Variants in NOTCH2 observed in about 807,000 individuals in gnomAD.
NOTCH2 encodes the protein notch receptor 2, also known as neurogenic locus notch homolog protein 2.
In NOTCH2, 29 loss-of-function variants were observed where a neutral mutation model predicts 235.8. The ratio of observed to expected loss-of-function variants is 0.12; its 90% confidence interval spans 0.09 to 0.17. NOTCH2 has a LOEUF of 0.17. Among genes scored for constraint, NOTCH2 ranks in the 10% least tolerant of loss-of-function variants. The probability of loss-of-function intolerance (pLI) is 1.00; values close to 1 mark genes in which losing one functional copy is unlikely to be tolerated. For missense variants in NOTCH2, 2,285 were observed against 3,150.2 expected (o/e 0.73, Z 6.57); for synonymous variants, 1,086 against 1,141.5 (o/e 0.95, Z 0.98).
chr1:119,953,766 G>A, intron 13 of NOTCH2, 78 bp from the exon 14 acceptor site: 2 of 1,246,134 alleles, frequency 1.6e-6, no homozygotes, highest in East Asian at 4.6e-5. Flanking sequence ...AGGACTTGGT[G>A]AAGAAATGGG....
At chr1:119,982,355 T>G (rs587696743) in intron 5 of NOTCH2, among the ~76,000 whole-genome samples, 1 of 152,296 alleles carries the variant, frequency 6.6e-6, no homozygotes, top group African/African-American at 2.4e-5. Flanking sequence ...AGAAAATAAA[T>G]CACATCTGCC....
intron 5 of NOTCH2, among the ~76,000 whole-genome samples, chr1:119,976,193 T>C (rs997196377): frequency 6.6e-6 from 1 of 152,022 alleles, no homozygotes; most frequent in Admixed American, 6.5e-5. Context: ...TATATACCTT[T>C]CCAACCAGCA....
intron 15 of NOTCH2, 94 bp downstream of exon 15, chr1:119,950,630 T>A: frequency 1.2e-6 from 1 of 819,884 alleles, no homozygotes; most frequent in Non-Finnish European, 2.2e-6. Context: ...CGGAGGAGCA[T>A]TACAGCCCCA....
chr1:120,068,943 C>T, intron 1 of NOTCH2: 1 of 845,224 alleles, frequency 1.2e-6, no homozygotes, highest in Non-Finnish European at 1.7e-6. Context: ...TCTGGCATTC[C>T]TTCGCTCAGC....
At chr1:119,979,527 G>A (rs1380791339) in intron 5 of NOTCH2, among the ~76,000 whole-genome samples, 4 of 152,058 alleles carry the variant, frequency 2.6e-5, no homozygotes, top group African/African-American at 9.7e-5. Context: ...GACATTTTTT[G>A]ACTAACCAAA....
intron 1 of NOTCH2, among the ~76,000 whole-genome samples, chr1:120,051,280 C>T (rs1296386905): frequency 9.8e-6 from 1 of 102,410 alleles, no homozygotes; most frequent in Non-Finnish European, 1.7e-5. Context: ...CACACGCACA[C>T]ACACACAGAG....
intron 27 of NOTCH2, 82 bp downstream of exon 27, chr1:119,922,554 T>G (rs1455314817): frequency 6.8e-6 from 11 of 1,607,790 alleles, no homozygotes; most frequent in Non-Finnish European, 8.5e-6. Context: ...CCTGAAAAAA[T>G]AGAGGGCTAC....
intron 22 of NOTCH2, among the ~76,000 whole-genome samples, chr1:119,930,046 G>C (rs782557018): frequency 6.6e-6 from 1 of 152,124 alleles, no homozygotes; most frequent in African/African-American, 2.4e-5. Context: ...TGCAGGTTTG[G>C]AGCCTAGGTG....
At chr1:119,979,786 T>C (rs1280245654) in intron 5 of NOTCH2, among the ~76,000 whole-genome samples, 1 of 151,888 alleles carries the variant, frequency 6.6e-6, no homozygotes, top group Non-Finnish European at 1.5e-5. Context: ...AATATAAATA[T>C]TGAAACCCAG....
intron 17 of NOTCH2, among the ~76,000 whole-genome samples, chr1:119,945,992 C>A (rs985159054): frequency 1.3e-5 from 2 of 151,918 alleles, no homozygotes; most frequent in Non-Finnish European, 2.9e-5. Context: ...ATAGTAGAAA[C>A]AAGAGAAGGA....
chr1:120,000,070 T>C (rs1251194690), intron 3 of NOTCH2, among the ~76,000 whole-genome samples: 2 of 152,068 alleles, frequency 1.3e-5, no homozygotes, highest in African/African-American at 4.8e-5. Flanking sequence ...CTGAATTTGG[T>C]TTCCATATAT....
At chr1:119,960,667 CTTTG>C (rs774446875) in intron 11 of NOTCH2, among the ~76,000 whole-genome samples, 315 of 151,686 alleles carry the variant, frequency 2.1e-3, no homozygotes, top group Non-Finnish European at 3.3e-3. Flanking sequence ...TTCACTCATA[CTTTG>C]TTTTTCTTTC....
At chr1:119,963,437 GTGGCTT>G (rs1181087042) in intron 11 of NOTCH2, 131 bp downstream of exon 11, 13 of 835,184 alleles carry the variant, frequency 1.6e-5, no homozygotes, top group Non-Finnish European at 2.5e-5. Context: ...ATTTATGTTT[GTGGCTT>G]TGGCTGTGCT....
At chr1:119,916,835 G>T (rs587744794) in intron 33 of NOTCH2, 141 bp from the exon 34 acceptor site, 56 of 836,784 alleles carry the variant, frequency 6.7e-5, no homozygotes, top group Non-Finnish European at 9.5e-5. Flanking sequence ...CCACAGATAG[G>T]CTGTGCCTCT....
chr1:119,988,405 G>T (rs1450977131), intron 4 of NOTCH2, among the ~76,000 whole-genome samples: 2 of 152,054 alleles, frequency 1.3e-5, no homozygotes, highest in Non-Finnish European at 2.9e-5. Flanking sequence ...CAAGTATTTG[G>T]TACTCAGTCC....
chr1:119,988,386 A>G (rs1333815324), intron 4 of NOTCH2, among the ~76,000 whole-genome samples: 2 of 152,216 alleles, frequency 1.3e-5, no homozygotes, highest in African/African-American at 4.8e-5. Flanking sequence ...GAAGGAAATT[A>G]TATTTCTCCA....
Position 120,069,587 on chromosome 1 carries a change from G to A in NOTCH2, c.-181C>T. 5 of 1,408,960 alleles carry A rather than the reference G, an allele frequency of 3.5e-6. No homozygotes were observed. Among genetic ancestry groups the A allele is most frequent in the Non-Finnish European group, 4.6e-6 (5 of 1,091,008 alleles). The allele number at this position is 1,408,960 out of a possible 1,614,324, so 87.3% of individuals were successfully genotyped here. The stretch of plus-strand genomic sequence containing the variant: ...CCTCGACTCCCCGCGCCCCGAGTCC[G>A]CCGCTCCTCGGCCGCCGCCTCAGCC... On this transcript the variant is annotated 5_prime_UTR_variant, in exon 1 of 34. Coordinates refer to ENST00000256646, the MANE Select transcript of NOTCH2 (RefSeq NM_024408.4).
rs147583376 is a variant in NOTCH2 at position 119,941,690 on chromosome 1, C to G, written c.2817G>C (p.Pro939=). 9.9e-6 allele frequency: 16 copies of G among 1,614,022 alleles called. No individual in the cohort carries two copies. Among genetic ancestry groups the G allele is most frequent in the Non-Finnish European group, 9.3e-6 (11 of 1,180,026 alleles). ...TCTGGCACTTATCCCCAGTGAAACC[C>G]GGAAGGCAGAGGCAGGAGAAAGTAT... ...GVNTFSCLCL[P]GFTGDKCQTD... The change falls in exon 18 of 34, where the codon CCG becomes CCC. Residue 939 remains proline (P), a synonymous_variant. Coordinates refer to ENST00000256646, the MANE Select transcript of NOTCH2 (RefSeq NM_024408.4).
intron 23 of NOTCH2, among the ~76,000 whole-genome samples, chr1:119,928,332 T>C (rs1364327539): frequency 6.6e-6 from 1 of 152,192 alleles, no homozygotes; most frequent in Admixed American, 6.5e-5. Context: ...CCACATCAAC[T>C]GATCTTTGGT....
Sources: allele counts gnomAD v4.1 joint callset (sites outside exome capture counted in the v4.1 genomes callset), GRCh38; gene constraint gnomAD v4.1.1; transcripts MANE v1.5; gene names NCBI Gene and HGNC (gene_info 2026-07-23, HGNC 2026-07-21).